DMD: variants seen among roughly 807,000 people sequenced by gnomAD.
DMD encodes mutant dystrophin.
Under a neutral mutation model 330.1 loss-of-function variants are expected in DMD, and 63 were observed. The ratio of observed to expected loss-of-function variants is 0.19; its 90% CI spans 0.16 to 0.24. The LOEUF is 0.24. DMD is among the 10% of genes least tolerant of loss of function. The pLI is 1.00. For synonymous variants in DMD, 1,223 were observed against 959.8 expected (o/e 1.27, Z -5.07); for missense variants, 3,344 against 2,684.1 (o/e 1.25, Z -5.43).
chrX:32,817,323 T>C (rs1301042146), intron 5 of DMD, among the ~76,000 whole-genome samples: 2 of 112,092 alleles, frequency 1.8e-5, no homozygotes, highest in East Asian at 5.6e-4. Context: ...GAGGTGTACA[T>C]ATGTAGCCTT....
rs114613616 is a variant in DMD at position 31,772,042 on chromosome X, C to T, written c.7542+1918G>A. 7.2e-3 allele frequency among the ~76,000 whole-genome samples: 807 copies of T among 111,803 alleles called. 6 individuals are homozygous for T. The highest frequency in any genetic ancestry group is 0.025 in the African/African-American group (766 of 30,749). ...TCAATGGTAGACTAGGCTACAGAAG[C>T]GGAAACAAGCTCTCATTTCCATATA... On this transcript the variant is annotated intron_variant, in intron 51 of 78. Transcript: ENST00000357033.
chrX:32,348,615 G>C (rs960279789), intron 37 of DMD, 87 bp from the exon 38 acceptor site: 2 of 839,636 alleles, frequency 2.4e-6, no homozygotes, highest in African/African-American at 4.0e-5. Flanking sequence ...TCAACCTCCT[G>C]TTGCTAAACT....
rs186321333 is a variant in DMD, at chrX:31,284,940, G to C, written c.9225-23924C>G. On this transcript the variant is annotated intron_variant, in intron 62 of 78. Coordinates refer to ENST00000357033, the MANE Select transcript of DMD (RefSeq NM_004006.3). ...CCCTCTTACACCTTGCTTTGGAACT[G>C]ACTGGTGCCTTGCATCTCCAGTCAT... 3.7e-5 allele frequency among the ~76,000 whole-genome samples: 4 copies of C among 109,421 alleles called. No individual in the cohort carries two copies. In the East Asian group the frequency reaches 1.1e-3, roughly 31 times the overall value.
intron 29 of DMD, among the ~76,000 whole-genome samples, chrX:32,416,373 T>C (rs1689222430): frequency 8.9e-6 from 1 of 111,821 alleles, no homozygotes; most frequent in African/African-American, 3.3e-5. Context: ...GACACTTTTA[T>C]TTTTGGTGTT....
rs145304359 is a variant in DMD, at chrX:31,820,495, A to T, written c.7201-412T>A. On this transcript the variant is annotated intron_variant, in intron 49 of 78. Coordinates refer to ENST00000357033, the MANE Select transcript of DMD (RefSeq NM_004006.3). The stretch of plus-strand genomic sequence containing the variant: ...CCAGTCAATTATATCAGAGTCTCTT[A>T]AAGGGAGGGGCTGCAGTGGACACGG... Among the ~76,000 whole-genome samples the T allele has an allele frequency of 7.8e-3, 870 of 112,200 alleles. 8 individuals carry two copies. The highest frequency in any genetic ancestry group is 0.026 in the African/African-American group (810 of 30,903).
intron 1 of DMD, among the ~76,000 whole-genome samples, chrX:33,106,965 T>A (rs951673223): frequency 2.7e-5 from 3 of 111,875 alleles, no homozygotes; most frequent in Non-Finnish European, 5.6e-5. Flanking sequence ...CAGGTAGATG[T>A]CACAGCGCAA....
At chrX:31,667,644 A>C (rs2081507790) in intron 53 of DMD, among the ~76,000 whole-genome samples, 1 of 111,151 alleles carries the variant, frequency 9.0e-6, no homozygotes, top group African/African-American at 3.3e-5. Flanking sequence ...ATTTATTGTG[A>C]ATTTAAAAAT....
chrX:31,289,451 A>G (rs960964874), intron 62 of DMD, among the ~76,000 whole-genome samples: 2 of 110,649 alleles, frequency 1.8e-5, no homozygotes. Context: ...TTAAAAGTAA[A>G]CAGAATGTTT....
At chrX:32,882,184 C>A (rs969974852) in intron 2 of DMD, among the ~76,000 whole-genome samples, 2 of 111,813 alleles carry the variant, frequency 1.8e-5, no homozygotes, top group African/African-American at 3.2e-5. Flanking sequence ...GAGAGGGTAG[C>A]ACCAGCCACG....
chrX:31,615,362 T>A (rs902803588), intron 55 of DMD, among the ~76,000 whole-genome samples: 14 of 111,591 alleles, frequency 1.3e-4, no homozygotes, highest in Non-Finnish European at 1.9e-4. Context: ...TTTATTAATT[T>A]TATTAACGTT....
intron 7 of DMD, among the ~76,000 whole-genome samples, chrX:32,767,012 C>A (rs1245535298): frequency 1.8e-5 from 2 of 111,436 alleles, no homozygotes; most frequent in Admixed American, 1.9e-4. Flanking sequence ...TAATACATAC[C>A]ATTAAACAAA....
intron 1 of DMD, among the ~76,000 whole-genome samples, chrX:33,155,571 C>A (rs991814545): frequency 9.0e-6 from 1 of 111,278 alleles, no homozygotes; most frequent in Non-Finnish European, 1.9e-5. Context: ...CTGCTTTGGC[C>A]TCCCAAAGTG....
intron 74 of DMD, among the ~76,000 whole-genome samples, chrX:31,168,548 A>G (rs2039657580): frequency 9.0e-6 from 1 of 111,692 alleles, no homozygotes; most frequent in African/African-American, 3.3e-5. Context: ...CATACTCCCG[A>G]GGGCACTGAT....
chrX:33,142,618 C>G (rs776323038), intron 1 of DMD, among the ~76,000 whole-genome samples: 1 of 111,826 alleles, frequency 8.9e-6, no homozygotes, highest in African/African-American at 3.2e-5. Context: ...CAGCCTCCCC[C>G]GAATAAATGA....
At chrX:31,925,802 A>G (rs1373877712) in intron 47 of DMD, among the ~76,000 whole-genome samples, 2 of 106,686 alleles carry the variant, frequency 1.9e-5, no homozygotes, top group Admixed American at 1.0e-4. Flanking sequence ...AACCCAGGAG[A>G]CAGAGGTTGC....
intron 50 of DMD, among the ~76,000 whole-genome samples, chrX:31,788,476 A>G (rs1386878034): frequency 9.0e-6 from 1 of 111,624 alleles, no homozygotes; most frequent in Non-Finnish European, 1.9e-5. Flanking sequence ...GTTAGGACTC[A>G]TTTTGTGGCC....
At chrX:32,657,007 TTA>T (rs201998698) in intron 9 of DMD, among the ~76,000 whole-genome samples, 40 of 95,114 alleles carry the variant, frequency 4.2e-4, no homozygotes, top group African/African-American at 1.6e-3. Flanking sequence ...GTATACCAAC[TTA>T]TATGTGTGTG....
intron 55 of DMD, among the ~76,000 whole-genome samples, chrX:31,574,449 G>GATT (rs1252213537): frequency 9.0e-6 from 1 of 111,068 alleles, no homozygotes. Context: ...GGCTGCAAAG[G>GATT]ATTATCTTTA....
chrX:32,216,634 T>C (rs1307433050), intron 44 of DMD, among the ~76,000 whole-genome samples: 1 of 111,578 alleles, frequency 9.0e-6, no homozygotes, highest in Non-Finnish European at 1.9e-5. Flanking sequence ...ACAAAACACC[T>C]TGCTGTTACG....
Sources: gnomAD v4.1 joint callset for allele counts (sites outside exome capture counted in the v4.1 genomes callset) on GRCh38, gnomAD v4.1.1 for gene constraint, MANE v1.5 for transcripts, NCBI Gene and HGNC (gene_info 2026-07-23, HGNC 2026-07-21) for gene names.